The following POU2F2 variants were observed in gnomAD, a reference collection of about 807,000 sequenced individuals.
POU2F2 encodes the protein POU domain, class 2, transcription factor 2.
Under a neutral mutation model 63.5 loss-of-function variants are expected in POU2F2, and 14 were observed. The ratio of observed to expected loss-of-function variants is 0.22; its 90% confidence interval spans 0.15 to 0.34. The LOEUF is 0.34. Ranked by LOEUF, POU2F2 falls within the 10% of genes least tolerant of loss-of-function variation. The probability of loss-of-function intolerance (pLI) is 1.00; values close to 1 mark genes in which losing one functional copy is unlikely to be tolerated. For synonymous variants in POU2F2, 306 were observed against 348.6 expected (o/e 0.88, Z 1.36); for missense variants, 607 against 815.2 (o/e 0.74, Z 3.11).
chr19:42,097,987 T>C (rs1180709383), intron 7 of POU2F2, among the ~76,000 whole-genome samples: 1 of 152,162 alleles, frequency 6.6e-6, no homozygotes, highest in Non-Finnish European at 1.5e-5. Flanking sequence ...TTGTTGTTGT[T>C]TTAGAGACCA....
chr19:42,187,761 CA>C (rs745767404), intron 1 of POU2F2, among the ~76,000 whole-genome samples: 660 of 49,938 alleles, frequency 0.013, 5 homozygotes, highest in African/African-American at 0.045. Context: ...GACTCCATCA[CA>C]AAAAAAAAAA....
intron 3 of POU2F2, 48 bp from the exon 4 acceptor site, chr19:42,122,230 C>CA: frequency 1.3e-6 from 2 of 1,589,320 alleles, no homozygotes; most frequent in East Asian, 2.2e-5. Context: ...TGCAGTGAAG[C>CA]AGCTTCTGAC....
At chr19:42,185,508 C>T (rs1377624871) in intron 1 of POU2F2, among the ~76,000 whole-genome samples, 2 of 152,180 alleles carry the variant, frequency 1.3e-5, no homozygotes, top group Non-Finnish European at 2.9e-5. Context: ...GGGAGCACCA[C>T]TATGCATCCT....
chr19:42,126,612 G>C (rs1034063543), intron 1 of POU2F2, among the ~76,000 whole-genome samples: 1 of 152,156 alleles, frequency 6.6e-6, no homozygotes, highest in Non-Finnish European at 1.5e-5. Context: ...CTCCGTAATT[G>C]TGAAAATGAA....
At position 42,096,119 on chromosome 19, in the gene POU2F2, G is replaced by C. The variant is rs759778104; in HGVS notation, c.692C>G (p.Thr231Ser). 1 of 1,613,834 alleles carries C rather than the reference G, an allele frequency of 6.2e-7. No homozygotes were observed. The highest frequency in any genetic ancestry group is 1.7e-5 in the Admixed American group (1 of 60,016). ...DLEELEQFARTFKQRRIKLGF... is the reference protein window; with the variant it reads ...DLEELEQFARSFKQRRIKLGF... ...CAGCTTGATGCGGCGTTGCTTGAAG[G>C]TGCGGGCGAATTGCTCCAGCTCCTC... The change falls in exon 8 of 15, where the codon ACC becomes AGC. Residue 231 changes from threonine to serine, a missense_variant. This residue lies in a region of POU2F2 where 25 missense variants were observed against 92.3 expected (regional missense o/e 0.27). Transcript: ENST00000692977. The surrounding 1 kb of genome is among the most constrained non-coding windows in gnomAD (Gnocchi z 4.1).
In POU2F2 at chr19:42,121,774, C is replaced by T. The variant is rs541159366; in HGVS notation, c.186+352G>A. On this transcript the variant is annotated intron_variant, in intron 4 of 14. Coordinates refer to ENST00000692977, the MANE Select transcript of POU2F2 (RefSeq NM_001394376.1). ...TATCCTCAACTGGTACCAGCCCCCC[C>T]ACCCCCACCTCAGCTGGCCGCTAAA... Among the ~76,000 whole-genome samples the T allele has an allele frequency of 3.6e-4, 55 of 152,336 alleles. 1 individual carries two copies. In the South Asian group the frequency reaches 0.01, roughly 28 times the overall value.
chr19:42,149,746 C>G (rs1484755084), intron 2 of POU2F2, among the ~76,000 whole-genome samples: 7 of 152,090 alleles, frequency 4.6e-5, no homozygotes, highest in Non-Finnish European at 8.8e-5. Flanking sequence ...GGTGGGGCCA[C>G]AAGGGCCTCC....
chr19:42,139,086 G>A (rs750240998), intron 2 of POU2F2, among the ~76,000 whole-genome samples: 21 of 152,122 alleles, frequency 1.4e-4, no homozygotes, highest in Non-Finnish European at 2.6e-4. Flanking sequence ...CAAGGTCGAC[G>A]AGGGCGGATC....
chr19:42,189,194 C>T (rs943357996), intron 1 of POU2F2, among the ~76,000 whole-genome samples: 19 of 152,284 alleles, frequency 1.2e-4, no homozygotes, highest in South Asian at 2.1e-4. Context: ...GCATCCATTT[C>T]GCCATCCTCT....
At chr19:42,107,228 G>A (rs906243299) in intron 5 of POU2F2, among the ~76,000 whole-genome samples, 50 of 152,050 alleles carry the variant, frequency 3.3e-4, no homozygotes, top group African/African-American at 1.1e-3. Context: ...GGTGGCGGGC[G>A]CCTGTAGTTG....
At chr19:42,126,298 C>T (rs1186864835) in intron 1 of POU2F2, among the ~76,000 whole-genome samples, 1 of 151,942 alleles carries the variant, frequency 6.6e-6, no homozygotes, top group Non-Finnish European at 1.5e-5. Context: ...CAAAAATTAG[C>T]CGGGCATGGT....
chr19:42,132,423 CG>C lies in POU2F2; in HGVS notation c.-13del. 6.7e-7 allele frequency: 1 copy of C among 1,493,730 alleles called. No homozygotes were observed. The highest frequency in any genetic ancestry group is 8.9e-7 in the Non-Finnish European group (1 of 1,123,652). The allele number at this position is 1,493,730 out of a possible 1,614,324, so 92.5% of individuals were successfully genotyped here. A position where few individuals can be genotyped will look rare whatever the true frequency, so the allele number is the denominator to read the frequency against. ...CTGGAGTGAACCATGCTGCCCGCCC[CG>C]CCAGGGCTGGGGGAACAACTGTGTC... On this transcript the variant is annotated 5_prime_UTR_variant, in exon 1 of 15. Coordinates refer to ENST00000692977, the MANE Select transcript of POU2F2 (RefSeq NM_001394376.1).
At chr19:42,122,709 T>C in intron 1 of POU2F2, 133 bp from the exon 2 acceptor site, 2 of 792,432 alleles carry the variant, frequency 2.5e-6, no homozygotes, top group Non-Finnish European at 3.9e-6. Context: ...TGGAAGTGTC[T>C]CTTCCCAAGA....
Position 42,117,478 on chromosome 19 carries a change from T to C in POU2F2, c.187-46A>G. 1.3e-6 allele frequency: 1 copy of C among 789,624 alleles called. No individual in the cohort carries two copies. Among genetic ancestry groups the C allele is most frequent in the Non-Finnish European group, 2.1e-6 (1 of 483,086 alleles). 48.9% of individuals were successfully genotyped at this position (789,624 alleles called of 1,614,324 possible). A position where few individuals can be genotyped will look rare whatever the true frequency, so the allele number is the denominator to read the frequency against. ...ACGTGTGTGGCAATGGCAATCAGGC[T>C]GGCACAGGAGGAGCAGACTGGGGTG... is the stretch of plus-strand genomic sequence containing the variant. On this transcript the variant is annotated intron_variant, in intron 4 of 14. Coordinates refer to ENST00000692977, the MANE Select transcript of POU2F2 (RefSeq NM_001394376.1). The surrounding 1 kb of genome is among the most constrained non-coding windows in gnomAD (Gnocchi z 4.4).
At chr19:42,176,963 A>T (rs1385757775), upstream of POU2F2, among the ~76,000 whole-genome samples, 1 of 149,726 alleles carries the variant, frequency 6.7e-6, no homozygotes, top group Admixed American at 6.6e-5. Flanking sequence ...CAAAGCGCAG[A>T]TATTAATATG....
chr19:42,185,493 C>G (rs2035003157), intron 1 of POU2F2, among the ~76,000 whole-genome samples: 1 of 152,184 alleles, frequency 6.6e-6, no homozygotes, highest in Admixed American at 6.5e-5. Flanking sequence ...TCCCCTCCCT[C>G]TACAGGGAGC....
chr19:42,151,465 C>G (rs1475839045), intron 2 of POU2F2, among the ~76,000 whole-genome samples: 2 of 152,088 alleles, frequency 1.3e-5, no homozygotes, highest in East Asian at 3.9e-4. Context: ...TGGGGGGACG[C>G]ACCTGGGACC....
At position 42,152,958 on chromosome 19, in the gene POU2F2, G is replaced by A. The variant is rs1221404272; in HGVS notation, c.-9+7374C>T. 6.6e-6 allele frequency among the ~76,000 whole-genome samples: 1 copy of A among 152,114 alleles called. No individual in the cohort carries two copies. The highest frequency in any genetic ancestry group is 1.5e-5 in the Non-Finnish European group (1 of 68,012). On this transcript the variant is annotated intron_variant, in intron 2 of 6. Coordinates refer to the POU2F2 transcript ENST00000524801. This position sits in a 1 kb window ranked among gnomAD's most constrained non-coding sequence, Gnocchi z 4.1. ...CAGGGGAAGGTCTGGGGTGGGTGCT[G>A]GAGTAGGCTACGGTGAATGGACACA... is the stretch of plus-strand genomic sequence containing the variant.
At chr19:42,112,452 C>A (rs1248205942) in intron 5 of POU2F2, among the ~76,000 whole-genome samples, 3 of 152,198 alleles carry the variant, frequency 2.0e-5, no homozygotes, top group African/African-American at 7.2e-5. Flanking sequence ...TCACTGCAGC[C>A]TCCACCTCCT....
Sources: allele counts gnomAD v4.1 joint callset (sites outside exome capture counted in the v4.1 genomes callset), GRCh38; gene constraint gnomAD v4.1.1; regional missense constraint gnomAD v4.1.1; non-coding constraint Gnocchi (gnomAD v3.1); transcripts MANE v1.5; gene names NCBI Gene and HGNC (gene_info 2026-07-23, HGNC 2026-07-21).